Variants in WRAP73 observed in about 807,000 individuals in gnomAD.
The protein encoded by WRAP73 is WD repeat-containing protein WRAP73.
WRAP73 carries 55 observed loss-of-function variants against 59.6 expected under a neutral mutation model. That is an observed-to-expected ratio of 0.92 (90% confidence interval 0.74 to 1.15). The LOEUF (loss-of-function observed/expected upper bound fraction) is 1.15. Among genes scored for constraint, WRAP73 ranks in the 50% most tolerant of loss-of-function variants. The pLI, the probability that WRAP73 is intolerant of heterozygous loss-of-function variation, is 0.00. For missense variants in WRAP73, 592 were observed against 608.1 expected (o/e 0.97, Z 0.28); for synonymous variants, 265 against 258.2 (o/e 1.03, Z -0.25).
intron 1 of WRAP73, 47 bp from the exon 2 acceptor site, chr1:3,647,607 GA>G (rs746863943): frequency 6.3e-7 from 1 of 1,592,650 alleles, no homozygotes; most frequent in East Asian, 2.3e-5. Flanking sequence ...CACTCCAAAA[GA>G]GGGGGGCCTT....
At chr1:3,636,056 T>C (rs755843116) in intron 5 of WRAP73, 26 bp from the exon 6 acceptor site, 1 of 1,548,788 alleles carries the variant, frequency 6.5e-7, no homozygotes, top group Non-Finnish European at 8.9e-7. Flanking sequence ...GGGGAAACAT[T>C]AAATTTGGAA....
chr1:3,637,345 C>T (rs1021196355), intron 4 of WRAP73, among the ~76,000 whole-genome samples: 1 of 152,160 alleles, frequency 6.6e-6, no homozygotes, highest in East Asian at 1.9e-4. Context: ...ACACAGGAGC[C>T]GGTTTGCAAG....
rs1644623190 is a variant in WRAP73 at position 3,639,941 on chromosome 1, C to T, written c.340-1119G>A. 6.6e-6 allele frequency among the ~76,000 whole-genome samples: 1 copy of T among 152,192 alleles called. No individual in the cohort carries two copies. The highest frequency in any genetic ancestry group is 2.4e-5 in the African/African-American group (1 of 41,450). ...CAGCGTGTGGGGCACAGCATGTCCACAGTGTCACTCCTGCAAACGCTGCCA... is the reference window on the plus strand; with the variant it reads ...CAGCGTGTGGGGCACAGCATGTCCATAGTGTCACTCCTGCAAACGCTGCCA... On this transcript the variant is annotated intron_variant, in intron 3 of 11. Transcript: ENST00000270708. The surrounding 1 kb of genome is among the most constrained non-coding windows in gnomAD (Gnocchi z 4.3).
rs115207532 is a variant in WRAP73 at position 3,634,595 on chromosome 1, T to C, written c.816+402A>G. 2.1e-3 allele frequency: 507 copies of C among 242,120 alleles called. 3 individuals carry two copies. The highest frequency in any genetic ancestry group is 0.011 in the African/African-American group (490 of 45,120). The allele number at this position is 242,120 out of a possible 1,614,324, so 15.0% of individuals were successfully genotyped here. ...CTTCCCTGTCTCTCCAGCCGCACTC[T>C]GCAAGTGCAGGGGTCTGTCTCTTCT... On this transcript the variant is annotated intron_variant, in intron 8 of 11. Transcript: ENST00000270708.
intron 8 of WRAP73, 115 bp from the exon 9 acceptor site, chr1:3,633,618 T>G (rs1644561392): frequency 1.3e-6 from 1 of 778,456 alleles, no homozygotes; most frequent in African/African-American, 1.8e-5. Context: ...CCATGACAGC[T>G]GGTCCTGCTG....
At position 3,630,779 on chromosome 1, in the gene WRAP73, TCAG is replaced by T; in HGVS notation, c.*193_*195del. 1.4e-6 allele frequency: 1 copy of T among 697,142 alleles called. No individual in the cohort carries two copies. Among genetic ancestry groups the T allele is most frequent in the Non-Finnish European group, 2.2e-6 (1 of 447,596 alleles). The allele number at this position is 697,142 out of a possible 1,614,324, so 43.2% of individuals were successfully genotyped here. ...TCAAGAAGAGAAGTAGTTGTATAAA[TCAG>T]CAAGTATTTATTTTAAATAATAAAA... On this transcript the variant is annotated 3_prime_UTR_variant, in exon 12 of 12. Coordinates refer to ENST00000270708, the MANE Select transcript of WRAP73 (RefSeq NM_017818.4).
intron 1 of WRAP73, among the ~76,000 whole-genome samples, chr1:3,648,677 T>G (rs1644712773): frequency 6.6e-6 from 1 of 152,218 alleles, no homozygotes; most frequent in Non-Finnish European, 1.5e-5. Flanking sequence ...ACCAAGTGTT[T>G]CAGGGTATTT....
At chr1:3,637,318 TG>T (rs1557458132) in intron 4 of WRAP73, among the ~76,000 whole-genome samples, 1 of 152,172 alleles carries the variant, frequency 6.6e-6, no homozygotes, top group Admixed American at 6.5e-5. Context: ...CAGTGTGTGC[TG>T]GGGGAAGCTG....
Position 3,646,717 on chromosome 1 carries a change from G to C in WRAP73, c.288C>G (p.Ala96=), listed in dbSNP as rs760917007. 20 of 1,609,176 alleles carry C rather than the reference G, an allele frequency of 1.2e-5. No homozygotes were observed. The highest frequency in any genetic ancestry group is 1.4e-5 in the Non-Finnish European group (17 of 1,176,368). ...KIDEGSAGLV[A]SCWSPDGRHI... is the part of the protein sequence containing the mutation. Reference sequence around the variant, plus strand: ...GGCGCCCGTCCGGGCTCCAGCACGAGGCCACCAGCCCGGCTGAGCCCTCGT... The same window carrying C: ...GGCGCCCGTCCGGGCTCCAGCACGACGCCACCAGCCCGGCTGAGCCCTCGT... Residue 96 remains alanine (A), a synonymous_variant, in exon 3 of 12, where the codon GCC becomes GCG. Transcript: ENST00000270708. The surrounding 1 kb of genome is among the most constrained non-coding windows in gnomAD (Gnocchi z 5.1).
Position 3,632,351 on chromosome 1 carries a change from C to A in WRAP73, c.923-13G>T. The A allele has an allele frequency of 6.2e-7, 1 of 1,614,060 alleles. No individual in the cohort carries two copies. The highest frequency in any genetic ancestry group is 8.5e-7 in the Non-Finnish European group (1 of 1,179,978). ...GAGGCGATCTCATCTAGAACACCAACAGGAAGAACACGCCATTGTCACCCT... is the reference window on the plus strand; with the variant it reads ...GAGGCGATCTCATCTAGAACACCAAAAGGAAGAACACGCCATTGTCACCCT... On this transcript the variant is annotated splice_polypyrimidine_tract_variant and intron_variant, in intron 9 of 11. Transcript: ENST00000270708.
At chr1:3,642,109 C>T (rs1007809957) in intron 3 of WRAP73, among the ~76,000 whole-genome samples, 2 of 152,186 alleles carry the variant, frequency 1.3e-5, no homozygotes, top group Non-Finnish European at 2.9e-5. Flanking sequence ...CTGGCAGAGC[C>T]GGGCGCACTG....
At chr1:3,631,157 G>T (rs910422167) in intron 11 of WRAP73, 40 bp from the exon 12 acceptor site, 13 of 1,611,108 alleles carry the variant, frequency 8.1e-6, no homozygotes, top group Non-Finnish European at 1.0e-5. Flanking sequence ...CAGCAGGGGA[G>T]GCCCAGATTC....
chr1:3,638,643 T>C (rs1644610396), intron 4 of WRAP73, 107 bp downstream of exon 4: 7 of 1,209,508 alleles, frequency 5.8e-6, no homozygotes, highest in East Asian at 2.3e-5. Context: ...GGGTTGGCTA[T>C]GTGTTGATAT....
Position 3,633,673 on chromosome 1 carries a change from G to A in WRAP73, c.817-170C>T, listed in dbSNP as rs555146784. On this transcript the variant is annotated intron_variant, in intron 8 of 11. Coordinates refer to ENST00000270708, the MANE Select transcript of WRAP73 (RefSeq NM_017818.4). ...CACGAACCCCGCAGTCCCGAGAGCT[G>A]AGATCACCCAGCCACCCTCTCTCGT... 33 of 583,264 alleles carry A rather than the reference G, an allele frequency of 5.7e-5. No homozygotes were observed. In the African/African-American group the frequency reaches 5.9e-4, roughly 10 times the overall value. The allele number at this position is 583,264 out of a possible 1,614,324, so 36.1% of individuals were successfully genotyped here.
At chr1:3,637,372 C>T (rs1346885412) in intron 4 of WRAP73, among the ~76,000 whole-genome samples, 1 of 152,212 alleles carries the variant, frequency 6.6e-6, no homozygotes, top group Non-Finnish European at 1.5e-5. Flanking sequence ...TCAAAAATAC[C>T]AAGTGATGTG....
In WRAP73 at chr1:3,635,251, G is replaced by A. The variant is rs770807708; in HGVS notation, c.647C>T (p.Thr216Met). The change falls in exon 7 of 12, where the codon ACG (threonine) becomes ATG (methionine). Residue 216 changes from threonine (T) to methionine (M), a missense_variant. Transcript: ENST00000270708. ...CAGGGACCACTCGTAAGCGCTGTAC[G>A]TGGACAACAACCGGCCATCCAATGA... ...LYSLDGRLLSTYSAYEWSLGI... is the reference protein window; with the variant it reads ...LYSLDGRLLSMYSAYEWSLGI... 1.1e-5 allele frequency: 17 copies of A among 1,613,902 alleles called. No individual in the cohort carries two copies. Among genetic ancestry groups the A allele is most frequent in the Middle Eastern group, 1.6e-4 (1 of 6,084 alleles).
chr1:3,642,130 G>A lies in WRAP73; in HGVS notation c.340-3308C>T, dbSNP rs188467618. On this transcript the variant is annotated intron_variant, in intron 3 of 11. Transcript: ENST00000270708. ...GAGCCGGGCGCACTGTTGTGCACCT[G>A]TAATGCCAGCTATACAGGAGGCTGG... 2.8e-3 allele frequency among the ~76,000 whole-genome samples: 421 copies of A among 152,354 alleles called. 3 individuals are homozygous for A. The highest frequency in any genetic ancestry group is 9.7e-3 in the African/African-American group (402 of 41,586).
chr1:3,635,361 G>A (rs1240737457), intron 6 of WRAP73, 67 bp from the exon 7 acceptor site: 2 of 1,595,330 alleles, frequency 1.3e-6, no homozygotes, highest in Non-Finnish European at 1.7e-6. Context: ...CACAGACGCG[G>A]GTGCTGCAGA....
At chr1:3,632,415 T>A in intron 9 of WRAP73, 77 bp from the exon 10 acceptor site, 1 of 1,607,328 alleles carries the variant, frequency 6.2e-7, no homozygotes, top group South Asian at 1.1e-5. Flanking sequence ...CTGCTGTGCC[T>A]GCATCGGGCA....
Sources: allele counts gnomAD v4.1 joint callset (sites outside exome capture counted in the v4.1 genomes callset), GRCh38; gene constraint gnomAD v4.1.1; non-coding constraint Gnocchi (gnomAD v3.1); transcripts MANE v1.5; gene names NCBI Gene and HGNC (gene_info 2026-07-23, HGNC 2026-07-21).